The following RNFT2 variants were observed in gnomAD, a reference collection of about 807,000 sequenced individuals.
The protein encoded by RNFT2 is ring finger protein, transmembrane 2, also known as E3 ubiquitin-protein ligase RNFT2.
A neutral mutation model predicts 53.0 loss-of-function variants in RNFT2; 36 were observed. That is an observed-to-expected ratio of 0.68 (90% CI 0.52 to 0.90). RNFT2 has a LOEUF of 0.90. Among genes scored for constraint, RNFT2 ranks in the 40% least tolerant of loss-of-function variants. The probability of loss-of-function intolerance (pLI) is 0.00; values close to 1 mark genes in which losing one functional copy is unlikely to be tolerated. For missense variants in RNFT2, 514 were observed against 585.6 expected (o/e 0.88, Z 1.26); for synonymous variants, 260 against 253.2 (o/e 1.03, Z -0.26).
intron 3 of RNFT2, among the ~76,000 whole-genome samples, chr12:116,749,104 G>T (rs1872045689): frequency 6.6e-6 from 1 of 152,062 alleles, no homozygotes; most frequent in African/African-American, 2.4e-5. Context: ...CACCCCAGGG[G>T]GCTTAAACAA....
rs2137231983 is a variant in RNFT2, at chr12:116,850,643, T to C, written c.*1195T>C. On this transcript the variant is annotated 3_prime_UTR_variant, in exon 11 of 11. Transcript: ENST00000257575. Reference sequence around the variant, plus strand: ...TTCTTTTTTTTTTTTTTTTTGTTGTTGTGAGACAGAGTCTTGCTCTGTTGC... The same window carrying C: ...TTCTTTTTTTTTTTTTTTTTGTTGTCGTGAGACAGAGTCTTGCTCTGTTGC... 1 of 151,506 alleles carries C rather than the reference T, an allele frequency of 6.6e-6. No homozygotes were observed. Among genetic ancestry groups the C allele is most frequent in the East Asian group, 1.9e-4 (1 of 5,150 alleles). The allele number at this position is 151,506 out of a possible 1,614,324, so 9.4% of individuals were successfully genotyped here.
chr12:116,848,737 G>A (rs1410892813), intron 10 of RNFT2, among the ~76,000 whole-genome samples: 2 of 152,076 alleles, frequency 1.3e-5, no homozygotes, highest in Non-Finnish European at 2.9e-5. Flanking sequence ...CCAAATGTCA[G>A]TATCTCCGTA....
intron 7 of RNFT2, among the ~76,000 whole-genome samples, chr12:116,806,745 C>CAAA (rs59532955): frequency 2.2e-5 from 2 of 89,670 alleles, no homozygotes; most frequent in African/African-American, 7.1e-5. Context: ...GACCCTCTCT[C>CAAA]AAAAAAAAAA....
Position 116,793,248 on chromosome 12 carries a change from C to A in RNFT2, c.882+13900C>A, listed in dbSNP as rs191487721. On this transcript the variant is annotated intron_variant, in intron 7 of 10. Coordinates refer to ENST00000257575, the MANE Select transcript of RNFT2 (RefSeq NM_001382266.1). ...TTTTTTTGAGGCAGGGTTTCATTGT[C>A]CAGGCTGGAGTGCAGTGGCGTGATC... 1.6e-3 allele frequency among the ~76,000 whole-genome samples: 202 copies of A among 127,214 alleles called. 1 individual carries two copies. Among genetic ancestry groups the A allele is most frequent in the African/African-American group, 4.6e-3 (159 of 34,794 alleles). The allele number at this position is 127,214 out of a possible 152,430, so 83.5% of individuals were successfully genotyped here.
chr12:116,819,708 T>G (rs1875905785), intron 7 of RNFT2, among the ~76,000 whole-genome samples: 1 of 152,220 alleles, frequency 6.6e-6, no homozygotes, highest in Admixed American at 6.5e-5. Flanking sequence ...CTTCTTTCCA[T>G]CCTGGCTCGC....
chr12:116,831,334 A>G (rs1178204411), intron 7 of RNFT2, among the ~76,000 whole-genome samples: 2 of 152,216 alleles, frequency 1.3e-5, no homozygotes, highest in Admixed American at 6.5e-5. Flanking sequence ...TTTTCAGGAC[A>G]TCATGTCAGA....
chr12:116,753,115 G>A (rs940045106), intron 4 of RNFT2, among the ~76,000 whole-genome samples: 3 of 145,852 alleles, frequency 2.1e-5, no homozygotes, highest in South Asian at 2.2e-4. Flanking sequence ...TCCTTATGGC[G>A]TTGTAAGTTT....
chr12:116,814,770 C>CCGAG (rs1875563160), intron 7 of RNFT2, among the ~76,000 whole-genome samples: 1 of 152,004 alleles, frequency 6.6e-6, no homozygotes, highest in Admixed American at 6.6e-5. Flanking sequence ...CCTCTGCCTC[C>CCGAG]TGGGTTCAAG....
chr12:116,835,343 C>T (rs770028881), intron 8 of RNFT2, among the ~76,000 whole-genome samples: 9 of 152,170 alleles, frequency 5.9e-5, no homozygotes, highest in Non-Finnish European at 1.2e-4. Context: ...AAATAGTATC[C>T]GTGTTAAATT....
intron 7 of RNFT2, among the ~76,000 whole-genome samples, chr12:116,787,006 T>C (rs1873963731): frequency 6.6e-6 from 1 of 152,176 alleles, no homozygotes. Context: ...TGGGCCCAGC[T>C]GGATAAGGCA....
At chr12:116,831,166 C>G (rs967445827) in intron 7 of RNFT2, among the ~76,000 whole-genome samples, 2 of 150,060 alleles carry the variant, frequency 1.3e-5, no homozygotes, top group Admixed American at 1.4e-4. Flanking sequence ...TTGAGACCAG[C>G]CTGGACAACA....
intron 3 of RNFT2, among the ~76,000 whole-genome samples, chr12:116,747,999 TG>T (rs1273492248): frequency 6.6e-6 from 1 of 152,096 alleles, no homozygotes; most frequent in Non-Finnish European, 1.5e-5. Context: ...AATACCAGCC[TG>T]GCCAACGCGG....
intron 7 of RNFT2, among the ~76,000 whole-genome samples, chr12:116,806,381 A>AG (rs1555207575): frequency 1.5e-5 from 2 of 133,470 alleles, no homozygotes; most frequent in African/African-American, 6.5e-5. Flanking sequence ...AAAAAAAAAA[A>AG]ATATATATAT....
chr12:116,812,598 G>A (rs539841596), intron 7 of RNFT2, among the ~76,000 whole-genome samples: 79 of 151,318 alleles, frequency 5.2e-4, no homozygotes, highest in African/African-American at 1.8e-3. Context: ...TCAGTGGCGC[G>A]ATCTCAGCTC....
chr12:116,791,420 C>T (rs902494308), intron 7 of RNFT2, among the ~76,000 whole-genome samples: 1 of 152,228 alleles, frequency 6.6e-6, no homozygotes, highest in Non-Finnish European at 1.5e-5. Context: ...AAGCAATTCT[C>T]CTGCCTCAGC....
At chr12:116,845,243 C>CAAAAAAAAA (rs66920809) in intron 10 of RNFT2, among the ~76,000 whole-genome samples, 4 of 82,764 alleles carry the variant, frequency 4.8e-5, no homozygotes, top group African/African-American at 1.1e-4. Context: ...GACCCGGTTT[C>CAAAAAAAAA]AAAAAAAAAA....
At position 116,835,041 on chromosome 12, in the gene RNFT2, T is replaced by C. The variant is rs146138343; in HGVS notation, c.1033-919T>C. Among the ~76,000 whole-genome samples, 595 of 151,838 alleles carry C rather than the reference T, an allele frequency of 3.9e-3. 3 individuals are homozygous for C. The highest frequency in any genetic ancestry group is 0.014 in the African/African-American group (560 of 41,404). ...ATTTTTGTATTTTTAGTAGAGATGG[T>C]GTTTTACCATGTTGGCCAGGCTGGT... On this transcript the variant is annotated intron_variant, in intron 8 of 10. Coordinates refer to ENST00000257575, the MANE Select transcript of RNFT2 (RefSeq NM_001382266.1).
At chr12:116,753,148 C>CTTTTTTTTTTTTTTTTTTTTTTTT (rs11377177) in intron 4 of RNFT2, among the ~76,000 whole-genome samples, 1 of 93,690 alleles carries the variant, frequency 1.1e-5, no homozygotes, top group Non-Finnish European at 1.9e-5. Flanking sequence ...TTTTCTTTTT[C>CTTTTTTTTTTTTTTTTTTTTTTTT]TTTTTTTTTT....
intron 6 of RNFT2, among the ~76,000 whole-genome samples, chr12:116,773,999 C>T (rs1004050585): frequency 1.3e-5 from 2 of 152,158 alleles, no homozygotes; most frequent in Non-Finnish European, 2.9e-5. Context: ...CATGCTGCAA[C>T]ATGGATGAAA....
Sources: gnomAD v4.1 joint callset for allele counts (sites outside exome capture counted in the v4.1 genomes callset) on GRCh38, gnomAD v4.1.1 for gene constraint, MANE v1.5 for transcripts, NCBI Gene and HGNC (gene_info 2026-07-23, HGNC 2026-07-21) for gene names.